RMI2: variants seen among roughly 807,000 people sequenced by gnomAD.
RMI2 encodes RecQ mediated genome instability 2.
Under a neutral mutation model 8.4 loss-of-function variants are expected in RMI2, and 11 were observed. That is an observed-to-expected ratio of 1.32 (90% CI 0.83 to 2.18). The LOEUF is 2.18. Ranked by LOEUF, RMI2 falls within the 30% of genes most tolerant of loss-of-function variation. The pLI, the probability that RMI2 is intolerant of heterozygous loss-of-function variation, is 0.00. For synonymous variants in RMI2, 105 were observed against 93.8 expected (o/e 1.12, Z -0.69); for missense variants, 253 against 207.5 (o/e 1.22, Z -1.35).
chr16:11,347,366 T>A lies in RMI2; in HGVS notation c.295+1600T>A, dbSNP rs187818342. 2.6e-5 allele frequency among the ~76,000 whole-genome samples: 4 copies of A among 152,056 alleles called. No individual in the cohort carries two copies. In the East Asian group the frequency reaches 7.7e-4, roughly 29 times the overall value. On this transcript the variant is annotated intron_variant, in intron 1 of 1. Transcript: ENST00000312499. Reference sequence around the variant, plus strand: ...GGGCCCTTCCTGCTCAGTCTTGGAGTCTAACTAGAGGCAGATAGGGCTGTG... The same window carrying A: ...GGGCCCTTCCTGCTCAGTCTTGGAGACTAACTAGAGGCAGATAGGGCTGTG...
Position 11,350,624 on chromosome 16 carries a change from CT to C in RMI2, c.296-14del. 2 of 1,527,324 alleles carry C rather than the reference CT, an allele frequency of 1.3e-6. No homozygotes were observed. Among genetic ancestry groups the C allele is most frequent in the South Asian group, 2.5e-5 (2 of 79,674 alleles). 94.6% of individuals were successfully genotyped at this position (1,527,324 alleles called of 1,614,324 possible). ...AAAAAAAAAAGAACATTACTATGGG[CT>C]TTTCTTCTTTTTCTAGGAAAGTATG... On this transcript the variant is annotated splice_polypyrimidine_tract_variant and intron_variant, in intron 1 of 1. Coordinates refer to ENST00000312499, the MANE Select transcript of RMI2 (RefSeq NM_152308.3).
At chr16:11,345,827 C>A (rs920301511) in intron 1 of RMI2, 61 bp downstream of exon 1, 8 of 1,174,886 alleles carry the variant, frequency 6.8e-6, no homozygotes, top group Non-Finnish European at 8.5e-6. Context: ...GTTGCCGAGG[C>A]CAGATTCGAT....
At chr16:11,346,299 G>A (rs775781386) in intron 1 of RMI2, among the ~76,000 whole-genome samples, 17 of 129,932 alleles carry the variant, frequency 1.3e-4, no homozygotes, top group Non-Finnish European at 1.7e-4. Context: ...TCACTCTGTC[G>A]CCCAGGATGG....
At chr16:11,345,834 C>A in intron 1 of RMI2, 68 bp downstream of exon 1, 1 of 1,164,874 alleles carries the variant, frequency 8.6e-7, no homozygotes, top group Middle Eastern at 3.1e-4. Flanking sequence ...AGGCCAGATT[C>A]GATCTTGTTG....
At chr16:11,345,869 G>A in intron 1 of RMI2, 103 bp downstream of exon 1, 1 of 993,974 alleles carries the variant, frequency 1.0e-6, no homozygotes, top group Non-Finnish European at 1.3e-6. Context: ...GGGGCGGGGC[G>A]GGTCTGGCCC....
chr16:11,347,695 C>A, intron 1 of RMI2, among the ~76,000 whole-genome samples: 1 of 152,290 alleles, frequency 6.6e-6, no homozygotes, highest in Non-Finnish European at 1.5e-5. Flanking sequence ...TCAGCCGCAG[C>A]GTTGGTCTAG....
In RMI2 at chr16:11,345,692, T is replaced by C; in HGVS notation, c.221T>C (p.Leu74Pro). Residue 74 changes from leucine (L) to proline (P), a missense_variant, in exon 1 of 2, where the codon CTG becomes CCG. Physicochemically the swap from Leu to Pro is moderately conservative, Grantham distance 98. Transcript: ENST00000312499. ...VVMADRGEAR[L>P]RDPSGDFSVR... ...ATGGCGGACCGCGGCGAGGCTCGGCTGAGGGACCCGAGCGGGGACTTCTCG... is the reference window on the plus strand; with the variant it reads ...ATGGCGGACCGCGGCGAGGCTCGGCCGAGGGACCCGAGCGGGGACTTCTCG... The C allele has an allele frequency of 7.9e-7, 1 of 1,268,506 alleles. No homozygotes were observed. The highest frequency in any genetic ancestry group is 9.9e-7 in the Non-Finnish European group (1 of 1,009,076). 78.6% of individuals were successfully genotyped at this position (1,268,506 alleles called of 1,614,324 possible).
rs541992265 is a variant in RMI2 at position 11,349,398 on chromosome 16, A to C, written c.296-1244A>C. 1 of 152,264 alleles carries C rather than the reference A, an allele frequency of 6.6e-6. No homozygotes were observed. Among genetic ancestry groups the C allele is most frequent in the Admixed American group, 6.6e-5 (1 of 15,254 alleles). The allele number at this position is 152,264 out of a possible 1,614,324, so 9.4% of individuals were successfully genotyped here. On this transcript the variant is annotated intron_variant, in intron 1 of 1. Coordinates refer to ENST00000312499, the MANE Select transcript of RMI2 (RefSeq NM_152308.3). This position sits in a 1 kb window ranked among gnomAD's most constrained non-coding sequence, Gnocchi z 4.2. ...GGTGTGGGTAGAACCTACAAGGTCA[A>C]TTTGTCCCATCGCGTGCCTTCGAGT... is the stretch of plus-strand genomic sequence containing the variant.
At position 11,349,962 on chromosome 16, in the gene RMI2, G is replaced by C. The variant is rs1447107583; in HGVS notation, c.296-680G>C. On this transcript the variant is annotated intron_variant, in intron 1 of 1. Transcript: ENST00000312499. This position sits in a 1 kb window ranked among gnomAD's most constrained non-coding sequence, Gnocchi z 4.2. Reference sequence around the variant, plus strand: ...AGCCGGCCCTTGTGTGGATTTGCTTGTATGTGCTGGAGGAGGTGGCAGGGA... The same window carrying C: ...AGCCGGCCCTTGTGTGGATTTGCTTCTATGTGCTGGAGGAGGTGGCAGGGA... Among the ~76,000 whole-genome samples the C allele has an allele frequency of 6.6e-6, 1 of 152,220 alleles. No individual in the cohort carries two copies. The highest frequency in any genetic ancestry group is 2.4e-5 in the African/African-American group (1 of 41,460).
intron 1 of RMI2, chr16:11,348,383 C>T (rs1289056612): frequency 1.3e-5 from 2 of 152,268 alleles, no homozygotes; most frequent in South Asian, 2.1e-4. Context: ...CAGGCTGGGG[C>T]AGTCTCCTAT....
rs930784357 is a variant in RMI2, at chr16:11,345,653, A to G, written c.182A>G (p.Gln61Arg). 6.3e-6 allele frequency: 8 copies of G among 1,268,346 alleles called. No homozygotes were observed. In the African/African-American group the frequency reaches 9.1e-5, roughly 14 times the overall value. 78.6% of individuals were successfully genotyped at this position (1,268,346 alleles called of 1,614,324 possible). ...CTGGACCTGGCGGCCGTGTGGATGC[A>G]GGGCAGGGTAGTGATGGCGGACCGC... The part of the protein sequence containing the change: ...GPLDLAAVWM[Q>R]GRVVMADRGE... Residue 61 changes from glutamine (Q) to arginine (R), a missense_variant, in exon 1 of 2, where the codon CAG (glutamine) becomes CGG (arginine). By Grantham distance (43) the Gln-to-Arg change is conservative (BLOSUM62 1). Transcript: ENST00000312499.
In RMI2 at chr16:11,349,808, G is replaced by C. The variant is rs1050502679; in HGVS notation, c.296-834G>C. Among the ~76,000 whole-genome samples, 8 of 152,224 alleles carry C rather than the reference G, an allele frequency of 5.3e-5. No homozygotes were observed. Among genetic ancestry groups the C allele is most frequent in the Non-Finnish European group, 7.3e-5 (5 of 68,034 alleles). ...GGGCCTGTCCTTCCTGCAGCATTTG[G>C]AGTTTTCTTTTACACAATCGGGTTT... On this transcript the variant is annotated intron_variant, in intron 1 of 1. Coordinates refer to ENST00000312499, the MANE Select transcript of RMI2 (RefSeq NM_152308.3). This position sits in a 1 kb window ranked among gnomAD's most constrained non-coding sequence, Gnocchi z 4.2.
In RMI2 at chr16:11,345,694, AG is replaced by A; in HGVS notation, c.226del (p.Asp76ThrfsTer21). ...VMADRGEARL[R>X]DPSGDFSVRG... ...GGCGGACCGCGGCGAGGCTCGGCTG[AG>A]GGACCCGAGCGGGGACTTCTCGGTC... On this transcript the variant is annotated frameshift_variant, in exon 1 of 2. Transcript: ENST00000312499. LOFTEE classifies it high-confidence loss of function. The A allele has an allele frequency of 7.9e-7, 1 of 1,266,782 alleles. No individual in the cohort carries two copies. Among genetic ancestry groups the A allele is most frequent in the Non-Finnish European group, 9.9e-7 (1 of 1,008,144 alleles). 78.5% of individuals were successfully genotyped at this position (1,266,782 alleles called of 1,614,324 possible).
intron 1 of RMI2, among the ~76,000 whole-genome samples, chr16:11,347,572 C>G (rs2070894463): frequency 6.6e-6 from 1 of 152,176 alleles, no homozygotes. Flanking sequence ...TGCCTTAGTA[C>G]TGCACCTGGC....
In RMI2 at chr16:11,345,465, A is replaced by G. The variant is rs2070845968; in HGVS notation, c.-7A>G. On this transcript the variant is annotated 5_prime_UTR_variant, in exon 1 of 2. Coordinates refer to ENST00000312499, the MANE Select transcript of RMI2 (RefSeq NM_152308.3). ...GGAGGCGGGGCGGAAGGGTGCGGCG[A>G]GGCGGAATGGCGGCGGCTGCGGACT... 14 of 1,300,184 alleles carry G rather than the reference A, an allele frequency of 1.1e-5. No homozygotes were observed. The highest frequency in any genetic ancestry group is 1.4e-5 in the Non-Finnish European group (14 of 1,021,640). 80.5% of individuals were successfully genotyped at this position (1,300,184 alleles called of 1,614,324 possible). A position where few individuals can be genotyped will look rare whatever the true frequency, so the allele number is the denominator to read the frequency against.
At position 11,345,480 on chromosome 16, in the gene RMI2, G is replaced by C; in HGVS notation, c.9G>C (p.Ala3=). 7.6e-7 allele frequency: 1 copy of C among 1,311,194 alleles called. No homozygotes were observed. Among genetic ancestry groups the C allele is most frequent in the Non-Finnish European group, 9.7e-7 (1 of 1,025,924 alleles). 81.2% of individuals were successfully genotyped at this position (1,311,194 alleles called of 1,614,324 possible). ...GGGTGCGGCGAGGCGGAATGGCGGC[G>C]GCTGCGGACTCGTTCTCAGGCGGCC... The part of the protein sequence containing the change: MA[A]AADSFSGGPA... The change falls in exon 1 of 2, where the codon GCG becomes GCC. Residue 3 remains alanine (A), a synonymous_variant. Transcript: ENST00000312499.
chr16:11,350,302 A>G (rs1389214921), intron 1 of RMI2, among the ~76,000 whole-genome samples: 1 of 152,204 alleles, frequency 6.6e-6, no homozygotes, highest in Non-Finnish European at 1.5e-5. Context: ...CAGAAACCAA[A>G]GAAGATGGCT....
At chr16:11,350,091 G>T (rs962452303) in intron 1 of RMI2, among the ~76,000 whole-genome samples, 19 of 152,208 alleles carry the variant, frequency 1.2e-4, no homozygotes, top group African/African-American at 4.6e-4. Context: ...GAGGGTGTCT[G>T]CAGAAAGAGG....
At chr16:11,346,175 C>T (rs34850017) in intron 1 of RMI2, among the ~76,000 whole-genome samples, 33,179 of 151,830 alleles carry the variant, frequency 0.22, 4,097 homozygotes, top group East Asian at 0.28. Flanking sequence ...CCTCCCTAGC[C>T]CCTAGGAACG....
Sources: allele counts gnomAD v4.1 joint callset (sites outside exome capture counted in the v4.1 genomes callset), GRCh38; gene constraint gnomAD v4.1.1; non-coding constraint Gnocchi (gnomAD v3.1); transcripts MANE v1.5; gene names NCBI Gene and HGNC (gene_info 2026-07-23, HGNC 2026-07-21).